TACR3: variants seen among roughly 807,000 people sequenced by gnomAD.
TACR3 encodes tachykinin receptor 3.
Under a neutral mutation model 35.0 loss-of-function variants are expected in TACR3, and 34 were observed. The ratio of observed to expected loss-of-function variants is 0.97; its 90% CI spans 0.74 to 1.30. The LOEUF (loss-of-function observed/expected upper bound fraction) is 1.30. Ranked by LOEUF, TACR3 falls within the 50% of genes most tolerant of loss-of-function variation. The pLI is 0.00. For synonymous variants in TACR3, 233 were observed against 221.1 expected, an observed-to-expected ratio of 1.05 and a Z score of -0.48; for missense variants, 558 against 591.7, an observed-to-expected ratio of 0.94 and a Z score of 0.59.
chr4:103,599,593 G>C (rs1724136900), intron 3 of TACR3, among the ~76,000 whole-genome samples: 3 of 152,136 alleles, frequency 2.0e-5, no homozygotes, highest in African/African-American at 7.2e-5. Flanking sequence ...CTGTGGGTTT[G>C]TCATAGATAG....
intron 3 of TACR3, among the ~76,000 whole-genome samples, chr4:103,603,035 T>A (rs1484200414): frequency 6.6e-6 from 1 of 152,268 alleles, no homozygotes; most frequent in Non-Finnish European, 1.5e-5. Context: ...TGGTGGGCTC[T>A]GCCCAGTTCG....
intron 1 of TACR3, among the ~76,000 whole-genome samples, chr4:103,667,451 G>A (rs1481303208): frequency 6.6e-6 from 1 of 152,112 alleles, no homozygotes; most frequent in African/African-American, 2.4e-5. Flanking sequence ...CTAATTTATT[G>A]TATATTTCTA....
intron 1 of TACR3, among the ~76,000 whole-genome samples, chr4:103,692,007 T>G (rs1483454319): frequency 6.6e-6 from 1 of 152,136 alleles, no homozygotes; most frequent in African/African-American, 2.4e-5. Flanking sequence ...ACTTCACACC[T>G]CTATATTTCT....
chr4:103,657,740 TCAG>T (rs2110330341), intron 2 of TACR3, among the ~76,000 whole-genome samples: 1 of 152,246 alleles, frequency 6.6e-6, no homozygotes, highest in South Asian at 2.1e-4. Context: ...AATCTAGTGT[TCAG>T]GTTTTTTAAT....
chr4:103,645,790 A>G (rs1725445617), intron 3 of TACR3, among the ~76,000 whole-genome samples: 1 of 151,952 alleles, frequency 6.6e-6, no homozygotes. Context: ...TAGAACCACA[A>G]TTTTAATTCC....
chr4:103,599,897 G>T (rs941685747), intron 3 of TACR3, among the ~76,000 whole-genome samples: 12 of 152,150 alleles, frequency 7.9e-5, no homozygotes, highest in Non-Finnish European at 1.5e-4. Flanking sequence ...GTTCATCAAG[G>T]ATATTGGTCT....
intron 1 of TACR3, among the ~76,000 whole-genome samples, chr4:103,684,692 A>G (rs538969213): frequency 3.9e-5 from 6 of 152,214 alleles, no homozygotes; most frequent in Non-Finnish European, 8.8e-5. Context: ...ATAGATACAT[A>G]AAAGCTCGTT....
At chr4:103,600,839 T>G (rs964371536) in intron 3 of TACR3, among the ~76,000 whole-genome samples, 4 of 152,172 alleles carry the variant, frequency 2.6e-5, no homozygotes, top group African/African-American at 9.7e-5. Flanking sequence ...TTGTTATAAT[T>G]TCTGTTCTTT....
rs535772856 is a variant in TACR3 at position 103,685,927 on chromosome 4, C to T, written c.549-27524G>A. Among the ~76,000 whole-genome samples, 9 of 152,162 alleles carry T rather than the reference C, an allele frequency of 5.9e-5. No individual in the cohort carries two copies. The East Asian group carries it at 7.7e-4, about 13-fold the overall frequency. ...CTATGAGAACTACTAGCTCTGCTGC[C>T]GTATTGGAGGGGGCTGACTTTGTTT... On this transcript the variant is annotated intron_variant, in intron 1 of 4. Transcript: ENST00000304883.
At chr4:103,608,868 C>T (rs1217382603) in intron 3 of TACR3, among the ~76,000 whole-genome samples, 1 of 152,014 alleles carries the variant, frequency 6.6e-6, no homozygotes, top group Non-Finnish European at 1.5e-5. Flanking sequence ...CTATTGTCTC[C>T]TAGTTTCTTA....
chr4:103,658,456 G>T, intron 1 of TACR3, 53 bp from the exon 2 acceptor site: 2 of 1,546,160 alleles, frequency 1.3e-6, no homozygotes, highest in Non-Finnish European at 1.8e-6. Flanking sequence ...AACAGAGTTT[G>T]AAATGGAGTT....
chr4:103,624,505 A>G (rs1289502914), intron 3 of TACR3: 1 of 151,944 alleles, frequency 6.6e-6, no homozygotes, highest in African/African-American at 2.4e-5. Flanking sequence ...GATTTCGACA[A>G]AGCCATAAAT....
chr4:103,624,138 T>C (rs1724842049), intron 3 of TACR3: 1 of 152,202 alleles, frequency 6.6e-6, no homozygotes, highest in Non-Finnish European at 1.5e-5. Context: ...TTTGAGTTCC[T>C]ATTCCCTTTA....
chr4:103,611,488 T>G (rs1447166282), intron 3 of TACR3, among the ~76,000 whole-genome samples: 1 of 152,182 alleles, frequency 6.6e-6, no homozygotes, highest in African/African-American at 2.4e-5. Flanking sequence ...GTACACACAG[T>G]TGCCTCCTAA....
intron 3 of TACR3, among the ~76,000 whole-genome samples, chr4:103,597,309 T>C (rs1049781347): frequency 3.3e-5 from 5 of 152,250 alleles, no homozygotes; most frequent in Non-Finnish European, 5.9e-5. Context: ...TGGTGTGAGA[T>C]GATATCTCAT....
chr4:103,650,463 A>ATATTTATATATAAATATGTAT (rs1725564712), intron 3 of TACR3, among the ~76,000 whole-genome samples: 5 of 109,610 alleles, frequency 4.6e-5, no homozygotes, highest in South Asian at 2.3e-4. Flanking sequence ...GTATAATAAT[A>ATATTTATATATAAATATGTAT]TATTTATATA....
chr4:103,675,750 T>G (rs1726157242), intron 1 of TACR3, among the ~76,000 whole-genome samples: 1 of 151,882 alleles, frequency 6.6e-6, no homozygotes, highest in Non-Finnish European at 1.5e-5. Flanking sequence ...CTCTCATCAT[T>G]TCCTCCCATT....
chr4:103,643,721 G>T (rs963320493), intron 3 of TACR3, among the ~76,000 whole-genome samples: 131 of 151,776 alleles, frequency 8.6e-4, no homozygotes, highest in African/African-American at 3.1e-3. Flanking sequence ...TATAATAATT[G>T]ATATAATTCT....
At chr4:103,632,326 C>T (rs1350887770) in intron 3 of TACR3, among the ~76,000 whole-genome samples, 1 of 152,060 alleles carries the variant, frequency 6.6e-6, no homozygotes, top group East Asian at 1.9e-4. Context: ...AAATGTGGTA[C>T]CTATACCTCC....
Sources: gnomAD v4.1 joint callset for allele counts (sites outside exome capture counted in the v4.1 genomes callset) on GRCh38, gnomAD v4.1.1 for gene constraint, MANE v1.5 for transcripts, NCBI Gene and HGNC (gene_info 2026-07-23, HGNC 2026-07-21) for gene names.